Variants in DOCK7 observed in about 807,000 individuals in gnomAD.
DOCK7 encodes dedicator of cytokinesis protein 7.
DOCK7 carries 138 observed loss-of-function variants against 271.0 expected under a neutral mutation model. The ratio of observed to expected loss-of-function variants is 0.51; its 90% CI spans 0.44 to 0.59. The LOEUF is 0.59. DOCK7 is among the 20% of genes least tolerant of loss of function. The probability of loss-of-function intolerance (pLI) is 0.00; values close to 1 mark genes in which losing one functional copy is unlikely to be tolerated. For synonymous variants in DOCK7, 823 were observed against 876.1 expected, an observed-to-expected ratio of 0.94 and a Z score of 1.07; for missense variants, 2,066 against 2,592.4, an observed-to-expected ratio of 0.80 and a Z score of 4.41.
intron 31 of DOCK7, among the ~76,000 whole-genome samples, chr1:62,524,258 T>C (rs1453326998): frequency 6.6e-6 from 1 of 152,214 alleles, no homozygotes; most frequent in Non-Finnish European, 1.5e-5. Flanking sequence ...AGAACTCTCA[T>C]ATTGTATGTG....
At chr1:62,529,545 T>C (rs564672417) in intron 29 of DOCK7, 99 bp from the exon 30 acceptor site, 1 of 906,754 alleles carries the variant, frequency 1.1e-6, no homozygotes, top group African/African-American at 1.7e-5. Context: ...TTGAATAAAT[T>C]TTGTTCAATT....
At chr1:62,647,594 C>T (rs1656826464) in intron 7 of DOCK7, 97 bp downstream of exon 7, 1 of 808,070 alleles carries the variant, frequency 1.2e-6, no homozygotes, top group Non-Finnish European at 2.0e-6. Context: ...CAAAAGGACA[C>T]AAATGCAACT....
chr1:62,550,300 T>C (rs988810296), intron 22 of DOCK7, among the ~76,000 whole-genome samples: 2 of 152,128 alleles, frequency 1.3e-5, no homozygotes, highest in African/African-American at 4.8e-5. Context: ...ATCTATTCAT[T>C]TTTAATACAG....
chr1:62,627,927 T>C (rs1004447497), intron 11 of DOCK7: 1 of 152,104 alleles, frequency 6.6e-6, no homozygotes, highest in Non-Finnish European at 1.5e-5. Flanking sequence ...CCAAAACAAA[T>C]CTTGAAACAG....
chr1:62,524,542 C>G (rs1644942231), intron 31 of DOCK7, among the ~76,000 whole-genome samples: 1 of 152,040 alleles, frequency 6.6e-6, no homozygotes. Context: ...AAATGAAAAT[C>G]AGTGAATTAT....
intron 15 of DOCK7, among the ~76,000 whole-genome samples, chr1:62,583,892 T>C (rs1265645753): frequency 1.3e-5 from 2 of 152,174 alleles, no homozygotes; most frequent in African/African-American, 4.8e-5. Flanking sequence ...ATCTGTCTCT[T>C]GACTTCTGGA....
chr1:62,539,579 A>C lies in DOCK7; in HGVS notation c.3266T>G (p.Phe1089Cys). The C allele has an allele frequency of 1.2e-6, 2 of 1,613,348 alleles. No individual in the cohort carries two copies. The highest frequency in any genetic ancestry group is 1.7e-6 in the Non-Finnish European group (2 of 1,179,816). ...NDLLSVMDRG[F>C]VFSLIKSCYK... ...GCAGGACTTTATAAGGCTAAAAACA[A>C]ATCCTCTGTCCATAACAGACAACAG... is the stretch of plus-strand genomic sequence containing the variant. The change falls in exon 27 of 50, where the codon TTT (phenylalanine) becomes TGT (cysteine). Residue 1089 changes from phenylalanine (F) to cysteine (C), a missense_variant. Around this residue, in one of 2 missense-constraint regions of DOCK7, gnomAD observed 1,414 missense variants for 1,670.4 expected, o/e 0.85. Transcript: ENST00000635253.
Position 62,473,503 on chromosome 1 carries a change from G to A in DOCK7, c.6212+479C>T, listed in dbSNP as rs533375306. 5.9e-5 allele frequency among the ~76,000 whole-genome samples: 9 copies of A among 152,158 alleles called. No homozygotes were observed. In the South Asian group the frequency reaches 1.9e-3, roughly 32 times the overall value. On this transcript the variant is annotated intron_variant, in intron 48 of 49. Transcript: ENST00000635253. ...GAGTATGGTAGGGTTGTGGGAGAGG[G>A]GAATAAGTATATGCTATTAAAGAGT...
At chr1:62,687,473 C>G (rs1228195254) in intron 1 of DOCK7, 1 of 152,208 alleles carries the variant, frequency 6.6e-6, no homozygotes, top group Non-Finnish European at 1.5e-5. Flanking sequence ...GCCTATCATC[C>G]ATCTTCTCGG....
At chr1:62,583,792 C>T (rs776216835) in intron 15 of DOCK7, among the ~76,000 whole-genome samples, 21 of 151,818 alleles carry the variant, frequency 1.4e-4, no homozygotes, top group Non-Finnish European at 7.4e-5. Context: ...TATATTTTTG[C>T]ATATATATAT....
At chr1:62,613,383 A>C (rs1405695392) in intron 14 of DOCK7, among the ~76,000 whole-genome samples, 1 of 152,108 alleles carries the variant, frequency 6.6e-6, no homozygotes, top group Non-Finnish European at 1.5e-5. Context: ...TCTTCAGTTA[A>C]CCCTATGCAA....
At chr1:62,575,755 C>T (rs1324842099) in intron 18 of DOCK7, among the ~76,000 whole-genome samples, 1 of 152,148 alleles carries the variant, frequency 6.6e-6, no homozygotes, top group Non-Finnish European at 1.5e-5. Context: ...TATATGTCTA[C>T]AGTCAAATCC....
chr1:62,516,594 T>G (rs545879573), intron 31 of DOCK7, among the ~76,000 whole-genome samples: 10 of 152,314 alleles, frequency 6.6e-5, no homozygotes, highest in African/African-American at 2.2e-4. Flanking sequence ...CTACATTTTC[T>G]AGGCCAAGAT....
At chr1:62,661,578 G>C (rs1465776174) in intron 2 of DOCK7, among the ~76,000 whole-genome samples, 3 of 151,634 alleles carry the variant, frequency 2.0e-5, no homozygotes, top group African/African-American at 7.3e-5. Flanking sequence ...GCAGTATATA[G>C]CTCAGAATTT....
At chr1:62,636,671 T>C (rs1655315846) in intron 7 of DOCK7, 68 bp from the exon 8 acceptor site, 1 of 1,308,180 alleles carries the variant, frequency 7.6e-7, no homozygotes, top group Admixed American at 2.2e-5. Flanking sequence ...GAGAAATTGA[T>C]TCCAAAACTA....
At chr1:62,555,775 T>G in intron 21 of DOCK7, 50 bp downstream of exon 21, 1 of 1,569,160 alleles carries the variant, frequency 6.4e-7, no homozygotes, top group Non-Finnish European at 8.6e-7. Context: ...AATACTGACA[T>G]GAACATATAA....
intron 28 of DOCK7, 50 bp downstream of exon 28, chr1:62,537,841 T>C (rs770988650): frequency 6.5e-7 from 1 of 1,526,854 alleles, no homozygotes; most frequent in Non-Finnish European, 9.0e-7. Flanking sequence ...TTAAAACTAT[T>C]CTTCACAAAA....
chr1:62,549,451 T>C (rs1645819973), intron 22 of DOCK7, among the ~76,000 whole-genome samples: 1 of 152,192 alleles, frequency 6.6e-6, no homozygotes, highest in Non-Finnish European at 1.5e-5. Context: ...AGCACAGAAA[T>C]AGCAAGTAAG....
chr1:62,688,170 G>C, intron 1 of DOCK7, 57 bp downstream of exon 1: 1 of 1,333,706 alleles, frequency 7.5e-7, no homozygotes, highest in Non-Finnish European at 9.6e-7. Context: ...GGCCTGGGAG[G>C]ACTCCGCGGC....
Sources: gnomAD v4.1 joint callset for allele counts (sites outside exome capture counted in the v4.1 genomes callset) on GRCh38, gnomAD v4.1.1 for gene constraint, gnomAD v4.1.1 regional missense constraint, MANE v1.5 for transcripts, NCBI Gene and HGNC (gene_info 2026-07-23, HGNC 2026-07-21) for gene names.